The following AKAIN1 variants were observed in gnomAD, a reference collection of about 807,000 sequenced individuals.
AKAIN1 encodes the protein A-kinase anchor inhibitor 1.
AKAIN1 carries 3 observed loss-of-function variants against 3.7 expected under a neutral mutation model. The observed-to-expected ratio is 0.82, with a 90% CI of 0.37 to 2.12. The LOEUF (loss-of-function observed/expected upper bound fraction) is 2.12, where lower values mean the gene tolerates loss of function less well. Among genes scored for constraint, AKAIN1 ranks in the 30% most tolerant of loss-of-function variants. AKAIN1 has a pLI of 0.06. For synonymous variants in AKAIN1, 31 were observed against 30.8 expected, an observed-to-expected ratio of 1.01 and a Z score of -0.02; for missense variants, 82 against 82.7, an observed-to-expected ratio of 0.99 and a Z score of 0.03.
chr18:5,146,879 G>T (rs2071052555), intron 1 of AKAIN1, among the ~76,000 whole-genome samples: 3 of 152,338 alleles, frequency 2.0e-5, no homozygotes, highest in Admixed American at 2.0e-4. Context: ...GGGCCAGTTT[G>T]TCAACCCCCA....
intron 1 of AKAIN1, 70 bp downstream of exon 1, chr18:5,196,968 T>TC (rs978074330): frequency 8.8e-6 from 12 of 1,367,784 alleles, no homozygotes; most frequent in African/African-American, 7.2e-5. Context: ...AGGCCTTTTT[T>TC]CCCTCTCCTC....
intron 1 of AKAIN1, among the ~76,000 whole-genome samples, chr18:5,161,599 T>C (rs543727596): frequency 6.6e-6 from 1 of 152,250 alleles, no homozygotes; most frequent in East Asian, 1.9e-4. Context: ...TCCTATCTTG[T>C]TCTTAATCTC....
At chr18:5,168,129 T>A (rs1488198966) in intron 1 of AKAIN1, among the ~76,000 whole-genome samples, 1 of 152,110 alleles carries the variant, frequency 6.6e-6, no homozygotes, top group Non-Finnish European at 1.5e-5. Context: ...TAAGCCCTGT[T>A]ACCAAAGGGG....
At chr18:5,177,460 A>C (rs2071232799) in intron 1 of AKAIN1, among the ~76,000 whole-genome samples, 1 of 151,882 alleles carries the variant, frequency 6.6e-6, no homozygotes, top group Admixed American at 6.6e-5. Context: ...TTAGGGGATG[A>C]AGACATTTTA....
rs561396551 is a variant in AKAIN1 at position 5,148,677 on chromosome 18, G to A, written c.17-2922C>T. 3.4e-4 allele frequency among the ~76,000 whole-genome samples: 52 copies of A among 152,138 alleles called. No individual in the cohort carries two copies. In the Middle Eastern group the frequency reaches 0.01, roughly 30 times the overall value. On this transcript the variant is annotated intron_variant, in intron 1 of 1. Transcript: ENST00000434239. ...TTGAGACCAGCCTGGCCAACATGGC[G>A]AAACCCCATCTCTACTAAAACACAA...
intron 1 of AKAIN1, among the ~76,000 whole-genome samples, chr18:5,176,167 G>C (rs142148930): frequency 2.6e-5 from 4 of 152,086 alleles, no homozygotes; most frequent in Non-Finnish European, 5.9e-5. Flanking sequence ...GGCTGGGCAC[G>C]GTGGCTCACG....
intron 1 of AKAIN1, among the ~76,000 whole-genome samples, chr18:5,191,279 A>G (rs1451020173): frequency 6.6e-6 from 1 of 152,196 alleles, no homozygotes; most frequent in African/African-American, 2.4e-5. Flanking sequence ...TATCTCTTAC[A>G]ACTAATAAAA....
chr18:5,160,219 C>A (rs74941629), intron 1 of AKAIN1, among the ~76,000 whole-genome samples: 269 of 152,224 alleles, frequency 1.8e-3, no homozygotes, highest in African/African-American at 6.1e-3. Context: ...CAGCAAGGAA[C>A]CCTGTCATTG....
chr18:5,190,901 T>A (rs1348240596), intron 1 of AKAIN1, among the ~76,000 whole-genome samples: 1 of 152,182 alleles, frequency 6.6e-6, no homozygotes. Context: ...AAGGCCCTAC[T>A]GCAAATACCA....
intron 1 of AKAIN1, among the ~76,000 whole-genome samples, chr18:5,178,085 G>A (rs530133710): frequency 1.4e-4 from 22 of 152,112 alleles, no homozygotes; most frequent in East Asian, 3.9e-4. Flanking sequence ...GGTGTTGCTC[G>A]GGGTGGCTGC....
At chr18:5,157,282 T>A (rs551410224) in intron 1 of AKAIN1, among the ~76,000 whole-genome samples, 1 of 152,366 alleles carries the variant, frequency 6.6e-6, no homozygotes, top group East Asian at 1.9e-4. Flanking sequence ...AAGGAGCTGG[T>A]GTCCAGACAC....
At chr18:5,167,492 TAAGC>T (rs1215339907) in intron 1 of AKAIN1, among the ~76,000 whole-genome samples, 25 of 152,098 alleles carry the variant, frequency 1.6e-4, no homozygotes, top group Non-Finnish European at 2.8e-4. Context: ...TACTGTTGTT[TAAGC>T]AAGCATTAGT....
intron 1 of AKAIN1, among the ~76,000 whole-genome samples, chr18:5,180,345 G>C (rs529091993): frequency 5.9e-5 from 9 of 152,182 alleles, no homozygotes; most frequent in Non-Finnish European, 1.2e-4. Flanking sequence ...TTCCCACCAA[G>C]GCTGCTGTTT....
intron 1 of AKAIN1, among the ~76,000 whole-genome samples, chr18:5,183,818 T>C (rs2143024414): frequency 6.6e-6 from 1 of 152,182 alleles, no homozygotes; most frequent in South Asian, 2.1e-4. Flanking sequence ...CCTTGTTTAA[T>C]ATATGTTTCT....
At chr18:5,194,896 A>C (rs1186220228) in intron 1 of AKAIN1, among the ~76,000 whole-genome samples, 1 of 152,212 alleles carries the variant, frequency 6.6e-6, no homozygotes, top group Non-Finnish European at 1.5e-5. Context: ...AAACATCTGG[A>C]TTCCCAGATT....
rs1049758539 is a variant in AKAIN1, at chr18:5,197,218, C to T, written c.-165G>A. 2.8e-5 allele frequency: 39 copies of T among 1,393,054 alleles called. No homozygotes were observed. In the Admixed American group the frequency reaches 1.3e-3, roughly 47 times the overall value. The allele number at this position is 1,393,054 out of a possible 1,614,324, so 86.3% of individuals were successfully genotyped here. A position where few individuals can be genotyped will look rare whatever the true frequency, so the allele number is the denominator to read the frequency against. Reference sequence around the variant, plus strand: ...CAGCTCCCGCCGCTAGATCCTGGGGCCGCAGCTCCAGCCGCCGCCGCGCGC... The same window carrying T: ...CAGCTCCCGCCGCTAGATCCTGGGGTCGCAGCTCCAGCCGCCGCCGCGCGC... On this transcript the variant is annotated 5_prime_UTR_variant, in exon 1 of 2. Transcript: ENST00000434239. This position sits in a 1 kb window ranked among gnomAD's most constrained non-coding sequence, Gnocchi z 6.9.
chr18:5,174,538 C>T (rs549869568), intron 1 of AKAIN1, among the ~76,000 whole-genome samples: 23 of 152,164 alleles, frequency 1.5e-4, no homozygotes, highest in African/African-American at 4.8e-4. Context: ...GCCAGGAGTT[C>T]GAGACCAGCC....
In AKAIN1 at chr18:5,143,712, A is replaced by G. The variant is rs144320906; in HGVS notation, c.*1850T>C. Among the ~76,000 whole-genome samples the G allele has an allele frequency of 2.2e-3, 333 of 152,378 alleles. No homozygotes were observed. The highest frequency in any genetic ancestry group is 7.7e-3 in the African/African-American group (319 of 41,592). On this transcript the variant is annotated 3_prime_UTR_variant, in exon 2 of 2. Coordinates refer to ENST00000434239, the MANE Select transcript of AKAIN1 (RefSeq NM_001145194.2). Reference sequence around the variant, plus strand: ...AAAGCTGTATGTGTTTTATTTATAAATAACATTTAGACACAGAGGTCAATA... The same window carrying G: ...AAAGCTGTATGTGTTTTATTTATAAGTAACATTTAGACACAGAGGTCAATA...
At chr18:5,186,337 T>C (rs2071287295) in intron 1 of AKAIN1, among the ~76,000 whole-genome samples, 2 of 152,084 alleles carry the variant, frequency 1.3e-5, no homozygotes, top group Admixed American at 6.6e-5. Flanking sequence ...AGTTTACCTG[T>C]GTAACAAACT....
Sources: allele counts gnomAD v4.1 joint callset (sites outside exome capture counted in the v4.1 genomes callset), GRCh38; gene constraint gnomAD v4.1.1; non-coding constraint Gnocchi (gnomAD v3.1); transcripts MANE v1.5; gene names NCBI Gene and HGNC (gene_info 2026-07-23, HGNC 2026-07-21).